EYS: variants seen among roughly 807,000 people sequenced by gnomAD.
EYS encodes the protein EGF-like photoreceptor maintenance factor.
Under a neutral mutation model 282.1 loss-of-function variants are expected in EYS, and 250 were observed. That is an observed-to-expected ratio of 0.89 (90% CI 0.80 to 0.98). The LOEUF (loss-of-function observed/expected upper bound fraction) is 0.98. EYS is among the 50% of genes least tolerant of loss of function. The pLI, the probability that EYS is intolerant of heterozygous loss-of-function variation, is 0.00. For synonymous variants in EYS, 1,355 were observed against 1,282.9 expected, an observed-to-expected ratio of 1.06 and a Z score of -1.20; for missense variants, 4,016 against 3,709.0, an observed-to-expected ratio of 1.08 and a Z score of -2.15.
At chr6:65,390,815 T>C (rs1021803498) in intron 7 of EYS, among the ~76,000 whole-genome samples, 1 of 151,846 alleles carries the variant, frequency 6.6e-6, no homozygotes, top group Non-Finnish European at 1.5e-5. Flanking sequence ...GCCCAGGAGG[T>C]TGAGACTGAC....
rs551107232 is a variant in EYS, at chr6:65,266,163, A to G, written c.2023+29700T>C. ...AGTGTACCAGATAATCCTTCAGATA[A>G]TTGGTATAACTGTTCAATCAACTTA... is the stretch of plus-strand genomic sequence containing the variant. On this transcript the variant is annotated intron_variant, in intron 12 of 42. Coordinates refer to ENST00000503581, the MANE Select transcript of EYS (RefSeq NM_001142800.2). Among the ~76,000 whole-genome samples the G allele has an allele frequency of 2.0e-5, 3 of 152,060 alleles. No homozygotes were observed. In the South Asian group the frequency reaches 6.2e-4, roughly 32 times the overall value.
chr6:65,258,559 T>C (rs1461104936), intron 12 of EYS, among the ~76,000 whole-genome samples: 5 of 152,052 alleles, frequency 3.3e-5, no homozygotes, highest in African/African-American at 9.7e-5. Flanking sequence ...GGGAGAGCTA[T>C]GTAATCCAAC....
chr6:64,856,195 C>G lies in EYS; in HGVS notation c.2992+30502G>C, dbSNP rs556668228. ...CCATAAGAAAGTGCCAAACTGTCTT[C>G]CAAAATGGTTGTGCCATTTTGCATC... is the stretch of plus-strand genomic sequence containing the variant. On this transcript the variant is annotated intron_variant, in intron 19 of 42. Coordinates refer to ENST00000503581, the MANE Select transcript of EYS (RefSeq NM_001142800.2). Among the ~76,000 whole-genome samples, 5 of 152,252 alleles carry G rather than the reference C, an allele frequency of 3.3e-5. No homozygotes were observed. In the South Asian group the frequency reaches 1.0e-3, roughly 32 times the overall value.
At chr6:64,603,892 T>C (rs918137618) in intron 24 of EYS, among the ~76,000 whole-genome samples, 3 of 94,706 alleles carry the variant, frequency 3.2e-5, no homozygotes, top group African/African-American at 1.4e-4. Flanking sequence ...TGTGTGTGTG[T>C]GTGTGTGTGT....
intron 12 of EYS, among the ~76,000 whole-genome samples, chr6:65,104,096 T>C (rs1774968317): frequency 6.6e-6 from 1 of 151,476 alleles, no homozygotes. Context: ...ATAAATACAG[T>C]ACTTTATTTG....
chr6:64,963,405 C>A (rs879652785), intron 14 of EYS, among the ~76,000 whole-genome samples: 1 of 152,076 alleles, frequency 6.6e-6, no homozygotes, highest in Non-Finnish European at 1.5e-5. Context: ...TTTAATTATC[C>A]TTTACCTCTC....
chr6:63,840,922 G>T (rs1454282001), intron 36 of EYS, among the ~76,000 whole-genome samples: 1 of 152,092 alleles, frequency 6.6e-6, no homozygotes, highest in Non-Finnish European at 1.5e-5. Flanking sequence ...CTAGTACCTT[G>T]CTGTTTTGGT....
chr6:64,777,227 G>A (rs1490172305), intron 22 of EYS, among the ~76,000 whole-genome samples: 2 of 152,102 alleles, frequency 1.3e-5, no homozygotes, highest in Non-Finnish European at 2.9e-5. Context: ...ATAGTAGACT[G>A]GGATATAAAA....
At chr6:63,841,729 A>G (rs1422917550) in intron 36 of EYS, among the ~76,000 whole-genome samples, 1 of 152,088 alleles carries the variant, frequency 6.6e-6, no homozygotes, top group Non-Finnish European at 1.5e-5. Flanking sequence ...CATCTATATT[A>G]GGTATTTCTC....
At chr6:64,569,016 A>C (rs961592605) in intron 26 of EYS, among the ~76,000 whole-genome samples, 2 of 129,510 alleles carry the variant, frequency 1.5e-5, no homozygotes, top group African/African-American at 3.2e-5. Context: ...AAATCCACAA[A>C]GATGGAAAAG....
chr6:64,837,551 CCT>C (rs1486193129), intron 19 of EYS, among the ~76,000 whole-genome samples: 1 of 148,614 alleles, frequency 6.7e-6, no homozygotes, highest in Non-Finnish European at 1.5e-5. Context: ...TCCCATTGTC[CCT>C]GTTTTCAGAT....
At chr6:63,939,038 G>T (rs890491961) in intron 35 of EYS, among the ~76,000 whole-genome samples, 10 of 151,884 alleles carry the variant, frequency 6.6e-5, no homozygotes, top group African/African-American at 2.2e-4. Context: ...TGAGCTCTGA[G>T]ATCAGAACAA....
intron 14 of EYS, among the ~76,000 whole-genome samples, chr6:64,981,198 C>A (rs1438640861): frequency 6.6e-6 from 1 of 151,262 alleles, no homozygotes; most frequent in Non-Finnish European, 1.5e-5. Context: ...ACATTCCTGG[C>A]TTTCAAGAAC....
intron 36 of EYS, among the ~76,000 whole-genome samples, chr6:63,834,384 TG>T (rs1771742274): frequency 6.6e-6 from 1 of 151,880 alleles, no homozygotes; most frequent in Non-Finnish European, 1.5e-5. Flanking sequence ...CATCAAAAAG[TG>T]GGTGAAGGAT....
chr6:64,519,137 C>A (rs900741213), intron 26 of EYS, among the ~76,000 whole-genome samples: 1 of 151,590 alleles, frequency 6.6e-6, no homozygotes, highest in African/African-American at 2.4e-5. Context: ...TTTGAGTGAG[C>A]AATAGTAGTA....
chr6:64,529,648 T>C (rs1317591556), intron 26 of EYS, among the ~76,000 whole-genome samples: 2 of 152,004 alleles, frequency 1.3e-5, no homozygotes, highest in African/African-American at 4.8e-5. Context: ...TATGAGATTG[T>C]TTTGGTAATT....
In EYS at chr6:64,559,055, C is replaced by G. The variant is rs142952645; in HGVS notation, c.5644+31168G>C. Among the ~76,000 whole-genome samples the G allele has an allele frequency of 2.5e-3, 382 of 152,154 alleles. 4 individuals are homozygous for G. Among genetic ancestry groups the G allele is most frequent in the African/African-American group, 8.5e-3 (354 of 41,540 alleles). On this transcript the variant is annotated intron_variant, in intron 26 of 42. Coordinates refer to ENST00000503581, the MANE Select transcript of EYS (RefSeq NM_001142800.2). The stretch of plus-strand genomic sequence containing the variant: ...TTGTTTGATCTTACAATTTCCAGTA[C>G]CAAAAATTTTCACAAAAATTAGAAT...
intron 22 of EYS, among the ~76,000 whole-genome samples, chr6:64,697,742 G>A (rs1770633201): frequency 6.6e-6 from 1 of 152,040 alleles, no homozygotes; most frequent in African/African-American, 2.4e-5. Context: ...AAGAGATTGA[G>A]ACCAACCTGG....
intron 2 of EYS, among the ~76,000 whole-genome samples, chr6:65,579,274 A>AT (rs1764788819): frequency 6.6e-6 from 1 of 152,148 alleles, no homozygotes; most frequent in Non-Finnish European, 1.5e-5. Flanking sequence ...AGAAACTTGA[A>AT]TATGAGGCAG....
Sources: allele counts gnomAD v4.1 joint callset (sites outside exome capture counted in the v4.1 genomes callset), GRCh38; gene constraint gnomAD v4.1.1; transcripts MANE v1.5; gene names NCBI Gene and HGNC (gene_info 2026-07-23, HGNC 2026-07-21).